The following CD34 variants were observed in gnomAD, a reference collection of about 807,000 sequenced individuals.
CD34 encodes the protein hematopoietic progenitor cell antigen CD34.
A neutral mutation model predicts 40.1 loss-of-function variants in CD34; 34 were observed. The observed-to-expected ratio is 0.85, with a 90% CI of 0.65 to 1.13. CD34 has a LOEUF of 1.13. Ranked by LOEUF, CD34 falls within the 50% of genes most tolerant of loss-of-function variation. CD34 has a pLI of 0.00. For synonymous variants in CD34, 209 were observed against 190.0 expected (o/e 1.10, Z -0.82); for missense variants, 426 against 466.9 (o/e 0.91, Z 0.81).
At chr1:207,900,085 G>T in intron 1 of CD34, 82 bp from the exon 2 acceptor site, 2 of 1,085,334 alleles carry the variant, frequency 1.8e-6, no homozygotes, top group Admixed American at 5.0e-5. Flanking sequence ...CTGACTTCAG[G>T]TAGAATTCGT....
At chr1:207,905,683 G>A (rs542363141) in intron 1 of CD34, among the ~76,000 whole-genome samples, 38 of 152,278 alleles carry the variant, frequency 2.5e-4, no homozygotes, top group Middle Eastern at 3.4e-3. Context: ...TCCAAAATAC[G>A]AAACTTTTTG....
chr1:207,899,121 G>C lies in CD34; in HGVS notation c.368C>G (p.Thr123Ser). The C allele has an allele frequency of 6.2e-7, 1 of 1,614,230 alleles. No individual in the cohort carries two copies. The highest frequency in any genetic ancestry group is 8.5e-7 in the Non-Finnish European group (1 of 1,180,034). Residue 123 changes from threonine to serine, a missense_variant, in exon 3 of 8, where the codon ACC (threonine) becomes AGC (serine). Transcript: ENST00000310833. The part of the protein sequence containing the change: ...QTSVISTVFT[T>S]PANVSTPETT... Reference sequence around the variant, plus strand: ...CTCTGGAGTTGAAACGTTGGCTGGGGTGGTGAACACTGTGCTGATTACAGA... The same window carrying C: ...CTCTGGAGTTGAAACGTTGGCTGGGCTGGTGAACACTGTGCTGATTACAGA...
intron 1 of CD34, among the ~76,000 whole-genome samples, chr1:207,901,715 TGG>T (rs1662274248): frequency 6.6e-6 from 1 of 152,226 alleles, no homozygotes; most frequent in African/African-American, 2.4e-5. Flanking sequence ...ATTAGTTAGT[TGG>T]CCTGACTTAC....
chr1:207,895,788 C>T (rs769643296), intron 4 of CD34, among the ~76,000 whole-genome samples: 7 of 152,154 alleles, frequency 4.6e-5, no homozygotes, highest in African/African-American at 9.7e-5. Flanking sequence ...TCCACCAAGT[C>T]GATGGGGTTG....
intron 1 of CD34, among the ~76,000 whole-genome samples, chr1:207,902,310 A>C (rs1185228541): frequency 1.3e-5 from 2 of 152,232 alleles, no homozygotes; most frequent in African/African-American, 4.8e-5. Flanking sequence ...TGCAACAAGG[A>C]GGTTAGGCTG....
intron 1 of CD34, among the ~76,000 whole-genome samples, chr1:207,902,332 C>T (rs1013143808): frequency 7.2e-5 from 11 of 152,142 alleles, no homozygotes; most frequent in African/African-American, 2.7e-4. Flanking sequence ...GTCTAAACTG[C>T]CAAAAAATCG....
intron 5 of CD34, 102 bp downstream of exon 5, chr1:207,889,363 C>T: frequency 3.3e-6 from 5 of 1,529,334 alleles, no homozygotes; most frequent in Non-Finnish European, 4.4e-6. Context: ...TTCTCCCCAG[C>T]ACCTGTGGTC....
Position 207,887,789 on chromosome 1 carries a change from G to A in CD34, c.1107C>T (p.Ser369=). 1 of 1,614,192 alleles carries A rather than the reference G, an allele frequency of 6.2e-7. No homozygotes were observed. The highest frequency in any genetic ancestry group is 8.5e-7 in the Non-Finnish European group (1 of 1,180,032). ...AQENGTGQAT[S]RNGHSARQHV... is the part of the protein sequence containing the mutation. ...GTTGTCTTGCTGAATGGCCGTTTCT[G>A]GAGGTGGCCTGGCCGGTCCCGTTTT... Residue 369 remains serine (S), a synonymous_variant, in exon 8 of 8, where the codon TCC becomes TCT. Transcript: ENST00000310833.
chr1:207,889,073 C>G, intron 6 of CD34, 88 bp downstream of exon 6: 1 of 944,748 alleles, frequency 1.1e-6, no homozygotes, highest in Non-Finnish European at 1.7e-6. Context: ...GTAGGTAGAA[C>G]TGGGGAAGAT....
intron 4 of CD34, among the ~76,000 whole-genome samples, chr1:207,894,669 C>G (rs1662111766): frequency 6.6e-6 from 1 of 152,120 alleles, no homozygotes; most frequent in African/African-American, 2.4e-5. Flanking sequence ...CTAAATTAAG[C>G]TGACACTGCT....
At chr1:207,910,883 G>A in intron 1 of CD34, 119 bp downstream of exon 1, 1 of 1,017,526 alleles carries the variant, frequency 9.8e-7, no homozygotes, top group Non-Finnish European at 1.4e-6. Context: ...GCGGCAGTGC[G>A]TGGGTTGGGC....
At chr1:207,901,325 C>A (rs1662267921) in intron 1 of CD34, among the ~76,000 whole-genome samples, 1 of 152,254 alleles carries the variant, frequency 6.6e-6, no homozygotes, top group African/African-American at 2.4e-5. Flanking sequence ...ACTTCTTGAT[C>A]AAATGGCACT....
rs565770043 is a variant in CD34 at position 207,887,640 on chromosome 1, C to T, written c.*98G>A. 78 of 1,531,220 alleles carry T rather than the reference C, an allele frequency of 5.1e-5. No homozygotes were observed. The African/African-American group carries it at 6.0e-4, about 12-fold the overall frequency. 94.9% of individuals were successfully genotyped at this position (1,531,220 alleles called of 1,614,324 possible). ...GTGTGTGCAGTGGGGAAGGGTTGGG[C>T]GTAAGAGATGTCACCTCCAGCATGG... On this transcript the variant is annotated 3_prime_UTR_variant, in exon 8 of 8. Transcript: ENST00000310833.
At position 207,910,463 on chromosome 1, in the gene CD34, G is replaced by A. The variant is rs559548805; in HGVS notation, c.79+539C>T. ...TTCCTTTTCACGGACTGTTCATTCC[G>A]AACACCCCTGGCCTGGGACCTGGAG... On this transcript the variant is annotated intron_variant, in intron 1 of 7. Coordinates refer to ENST00000310833, the MANE Select transcript of CD34 (RefSeq NM_001025109.2). 6.6e-5 allele frequency among the ~76,000 whole-genome samples: 10 copies of A among 152,140 alleles called. 1 individual carries two copies. The South Asian group carries it at 1.9e-3, about 28-fold the overall frequency.
Position 207,911,110 on chromosome 1 carries a change from C to A in CD34, c.-30G>T. 6.4e-7 allele frequency: 1 copy of A among 1,551,276 alleles called. No homozygotes were observed. The highest frequency in any genetic ancestry group is 1.4e-5 in the African/African-American group (1 of 73,400). ...CCCGCGCGGCTCCTAGAGAGACGCACCGAGTGGAAGACACTACTCGGCTTG... is the reference window on the plus strand; with the variant it reads ...CCCGCGCGGCTCCTAGAGAGACGCAACGAGTGGAAGACACTACTCGGCTTG... On this transcript the variant is annotated 5_prime_UTR_variant, in exon 1 of 8. Coordinates refer to ENST00000310833, the MANE Select transcript of CD34 (RefSeq NM_001025109.2).
intron 4 of CD34, among the ~76,000 whole-genome samples, chr1:207,891,215 A>G (rs1299345513): frequency 6.6e-6 from 1 of 152,202 alleles, no homozygotes; most frequent in Non-Finnish European, 1.5e-5. Flanking sequence ...GCAAGAAGCC[A>G]CACCTTGACA....
chr1:207,893,789 T>A (rs189744063), intron 4 of CD34, among the ~76,000 whole-genome samples: 15 of 152,294 alleles, frequency 9.8e-5, no homozygotes, highest in Non-Finnish European at 1.8e-4. Context: ...CCAAAGAAGA[T>A]ATACAAATGG....
intron 1 of CD34, among the ~76,000 whole-genome samples, chr1:207,902,712 T>A (rs959969240): frequency 6.6e-6 from 1 of 152,146 alleles, no homozygotes; most frequent in African/African-American, 2.4e-5. Context: ...TGCTTTTGAA[T>A]CCCCTCCCCC....
intron 4 of CD34, among the ~76,000 whole-genome samples, chr1:207,894,089 A>C (rs937291625): frequency 6.6e-6 from 1 of 152,190 alleles, no homozygotes; most frequent in Non-Finnish European, 1.5e-5. Flanking sequence ...TGCCAAGGAG[A>C]TATTTGTACA....
Sources: allele counts gnomAD v4.1 joint callset (sites outside exome capture counted in the v4.1 genomes callset), GRCh38; gene constraint gnomAD v4.1.1; transcripts MANE v1.5; gene names NCBI Gene and HGNC (gene_info 2026-07-23, HGNC 2026-07-21).